Variants in DYSF observed in about 807,000 individuals in gnomAD.
DYSF encodes the protein dysferlin.
Under a neutral mutation model 274.9 loss-of-function variants are expected in DYSF, and 212 were observed. The observed-to-expected ratio is 0.77, with a 90% CI of 0.69 to 0.86. The LOEUF is 0.86. DYSF is among the 40% of genes least tolerant of loss of function. DYSF has a pLI of 0.00. For synonymous variants in DYSF, 1,091 were observed against 1,078.7 expected (o/e 1.01, Z -0.22); for missense variants, 2,666 against 2,783.2 (o/e 0.96, Z 0.95).
intron 14 of DYSF, among the ~76,000 whole-genome samples, chr2:71,531,895 A>C (rs2088763180): frequency 1.3e-5 from 2 of 152,158 alleles, no homozygotes; most frequent in African/African-American, 4.8e-5. Context: ...GCACACATAA[A>C]CCAAGGTTAC....
intron 12 of DYSF, 84 bp downstream of exon 12, chr2:71,520,988 AT>A (rs1249994887): frequency 1.2e-4 from 129 of 1,109,042 alleles, no homozygotes; most frequent in Middle Eastern, 4.2e-4. Flanking sequence ...CAAAAACTCT[AT>A]TTTTTTTTCT....
chr2:71,567,866 T>C (rs962848235), intron 24 of DYSF, 85 bp from the exon 25 acceptor site: 1 of 1,573,184 alleles, frequency 6.4e-7, no homozygotes, highest in African/African-American at 1.3e-5. Context: ...TACCCAGGCT[T>C]GGAGGACTCC....
Position 71,471,088 on chromosome 2 carries a change from G to A in DYSF, c.91+4155G>A, listed in dbSNP as rs374802397. Among the ~76,000 whole-genome samples the A allele has an allele frequency of 3.1e-3, 474 of 152,126 alleles. 2 individuals are homozygous for A. The highest frequency in any genetic ancestry group is 0.015 in the South Asian group (73 of 4,824). ...TTGGATTACAGGTGTCAGCCACCCC[G>A]CCTAGCCTGTTTTCTTTTTATAAAC... On this transcript the variant is annotated intron_variant, in intron 1 of 55. Coordinates refer to ENST00000410020, the MANE Select transcript of DYSF (RefSeq NM_001130987.2).
At chr2:71,474,888 T>C (rs2082289061) in intron 1 of DYSF, among the ~76,000 whole-genome samples, 1 of 152,202 alleles carries the variant, frequency 6.6e-6, no homozygotes, top group South Asian at 2.1e-4. Context: ...AGGCTGCAGA[T>C]GGAATTTTCC....
In DYSF at chr2:71,674,270, A is replaced by T. The variant is rs1237492797; in HGVS notation, c.5858A>T (p.Asp1953Val). The T allele has an allele frequency of 6.2e-7, 1 of 1,614,106 alleles. No individual in the cohort carries two copies. The highest frequency in any genetic ancestry group is 8.5e-7 in the Non-Finnish European group (1 of 1,180,050). ...GTGGTGTTCCAGATCTGGGACAATG[A>T]CAAGTTCTCCTTTGATGATTTTCTG... ...ARVVFQIWDN[D>V]KFSFDDFLGS... Residue 1953 changes from aspartate to valine, a missense_variant, in exon 52 of 56, where the codon GAC becomes GTC. Around this residue, in one of 3 missense-constraint regions of DYSF, gnomAD observed 1,460 missense variants for 1,502.1 expected, o/e 0.97. Transcript: ENST00000410020.
chr2:71,513,212 C>G, intron 5 of DYSF, 28 bp from the exon 6 acceptor site: 1 of 1,550,996 alleles, frequency 6.4e-7, no homozygotes, highest in South Asian at 1.2e-5. Context: ...CCCTCCCCTC[C>G]CGGGGTTATG....
intron 8 of DYSF, 87 bp downstream of exon 8, chr2:71,515,838 A>C (rs776308731): frequency 6.5e-5 from 103 of 1,585,148 alleles, no homozygotes; most frequent in Non-Finnish European, 8.4e-5. Context: ...TTCATTCAAG[A>C]GTGTTTACGT....
At chr2:71,553,659 C>A in intron 20 of DYSF, 148 bp from the exon 21 acceptor site, 2 of 975,894 alleles carry the variant, frequency 2.0e-6, no homozygotes, top group Non-Finnish European at 3.1e-6. Flanking sequence ...GAAGGGTGAG[C>A]AGGTGCCTGT....
chr2:71,615,006 C>T lies in DYSF; in HGVS notation c.4464+1596C>T, dbSNP rs758224600. Among the ~76,000 whole-genome samples, 45 of 152,152 alleles carry T rather than the reference C, an allele frequency of 3.0e-4. No homozygotes were observed. Among genetic ancestry groups the T allele is most frequent in the Non-Finnish European group, 4.1e-4 (28 of 68,018 alleles). ...TCCTGGCTCCTGTTTCCCGGCTGCTCCATGGGCCTGTCTGAGATTGTGCAG... is the reference window on the plus strand; with the variant it reads ...TCCTGGCTCCTGTTTCCCGGCTGCTTCATGGGCCTGTCTGAGATTGTGCAG... On this transcript the variant is annotated intron_variant, in intron 40 of 55. Transcript: ENST00000410020. The surrounding 1 kb of genome is among the most constrained non-coding windows in gnomAD (Gnocchi z 4.9).
At chr2:71,634,014 G>T (rs1035096083) in intron 41 of DYSF, among the ~76,000 whole-genome samples, 1 of 152,168 alleles carries the variant, frequency 6.6e-6, no homozygotes, top group Admixed American at 6.5e-5. Flanking sequence ...CATTAGACTG[G>T]ATCAAGCCTG....
In DYSF at chr2:71,561,791, CCA is replaced by C; in HGVS notation, c.2258_2259del (p.His753ProfsTer18). ...GDIHETPSAT[H>X]LDQYLYQLRT... Reference sequence around the variant, plus strand: ...ACATCCATGAGACACCCTCTGCCACCCACCTGGACCAGTACCTGTACCAGCTG... The same window carrying C: ...ACATCCATGAGACACCCTCTGCCACCCCTGGACCAGTACCTGTACCAGCTG... On this transcript the variant is annotated frameshift_variant, in exon 23 of 56. Coordinates refer to ENST00000410020, the MANE Select transcript of DYSF (RefSeq NM_001130987.2). LOFTEE classifies it high-confidence loss of function. 1 of 1,614,170 alleles carries C rather than the reference CCA, an allele frequency of 6.2e-7. No homozygotes were observed. The highest frequency in any genetic ancestry group is 2.2e-5 in the East Asian group (1 of 44,874).
chr2:71,661,621 A>G lies in DYSF; in HGVS notation c.5003+970A>G, dbSNP rs114335818. On this transcript the variant is annotated intron_variant, in intron 45 of 55. Transcript: ENST00000410020. ...AATCAATGCCCATTGCATGGGAGTA[A>G]TTCCTAGGCATCCTGAATTGCTGTT... 6.8e-3 allele frequency among the ~76,000 whole-genome samples: 1,030 copies of G among 152,320 alleles called. 15 individuals carry two copies. The highest frequency in any genetic ancestry group is 0.023 in the African/African-American group (976 of 41,560).
intron 30 of DYSF, among the ~76,000 whole-genome samples, chr2:71,580,249 C>CG: frequency 6.6e-6 from 1 of 152,352 alleles, no homozygotes; most frequent in Admixed American, 6.5e-5. Flanking sequence ...GCTGGCCCCC[C>CG]GGCCCCAACC....
chr2:71,584,349 C>T (rs1369174584), intron 30 of DYSF, among the ~76,000 whole-genome samples: 2 of 152,146 alleles, frequency 1.3e-5, no homozygotes, highest in African/African-American at 4.8e-5. Flanking sequence ...TGTGCTGCTG[C>T]CGCTCTCCCA....
intron 25 of DYSF, 37 bp from the exon 26 acceptor site, chr2:71,568,135 G>GC (rs770759717): frequency 1.9e-6 from 3 of 1,614,164 alleles, no homozygotes; most frequent in Non-Finnish European, 2.5e-6. Flanking sequence ...AGCTGCCTTG[G>GC]CCCCCTGCTC....
chr2:71,612,561 TC>T, intron 38 of DYSF, 79 bp from the exon 39 acceptor site: 4 of 1,585,576 alleles, frequency 2.5e-6, no homozygotes, highest in Non-Finnish European at 3.5e-6. Flanking sequence ...CGGTTTATAG[TC>T]ATTTTCTGCT....
In DYSF at chr2:71,511,795, C is replaced by T. The variant is rs1321600446; in HGVS notation, c.346-12C>T. Reference sequence around the variant, plus strand: ...GCGCACCAACCTGTCCCCCACGTCTCATCTCTTCCAGGCCTCGCTGGTCCT... The same window carrying T: ...GCGCACCAACCTGTCCCCCACGTCTTATCTCTTCCAGGCCTCGCTGGTCCT... On this transcript the variant is annotated splice_polypyrimidine_tract_variant and intron_variant, in intron 4 of 55. Coordinates refer to ENST00000410020, the MANE Select transcript of DYSF (RefSeq NM_001130987.2). The T allele has an allele frequency of 6.5e-7, 1 of 1,528,706 alleles. No individual in the cohort carries two copies. Among genetic ancestry groups the T allele is most frequent in the Non-Finnish European group, 8.9e-7 (1 of 1,126,564 alleles). 94.7% of individuals were successfully genotyped at this position (1,528,706 alleles called of 1,614,324 possible).
intron 3 of DYSF, among the ~76,000 whole-genome samples, chr2:71,501,445 A>C (rs2084959626): frequency 6.6e-6 from 1 of 152,210 alleles, no homozygotes; most frequent in African/African-American, 2.4e-5. Context: ...CTACCATTTT[A>C]ACCATTTGTG....
intron 1 of DYSF, among the ~76,000 whole-genome samples, chr2:71,460,555 G>C (rs2081242762): frequency 6.6e-6 from 1 of 152,132 alleles, no homozygotes; most frequent in East Asian, 1.9e-4. Context: ...TGTCCCCTCG[G>C]GAGGAAGCCC....
Sources: gnomAD v4.1 joint callset for allele counts (sites outside exome capture counted in the v4.1 genomes callset) on GRCh38, gnomAD v4.1.1 for gene constraint, gnomAD v4.1.1 regional missense constraint, Gnocchi (gnomAD v3.1) non-coding constraint, MANE v1.5 for transcripts, NCBI Gene and HGNC (gene_info 2026-07-23, HGNC 2026-07-21) for gene names.